Variants in AHNAK2 observed in about 807,000 individuals in gnomAD.
The protein encoded by AHNAK2 is AHNAK nucleoprotein 2, also known as protein AHNAK2.
Under a neutral mutation model 30.7 loss-of-function variants are expected in AHNAK2, and 18 were observed. The observed-to-expected ratio is 0.59, with a 90% confidence interval of 0.41 to 0.87. AHNAK2 has a LOEUF of 0.87. Ranked by LOEUF, AHNAK2 falls within the 40% of genes least tolerant of loss-of-function variation. The probability of loss-of-function intolerance (pLI) is 0.00; values close to 1 mark genes in which losing one functional copy is unlikely to be tolerated. For missense variants in AHNAK2, 8,604 were observed against 7,373.0 expected, an observed-to-expected ratio of 1.17 and a Z score of -6.11; for synonymous variants, 3,590 against 3,073.8, an observed-to-expected ratio of 1.17 and a Z score of -5.56.
At position 104,952,526 on chromosome 14, in the gene AHNAK2, C is replaced by T. The variant is rs747303400; in HGVS notation, c.2925G>A (p.Leu975=). ...GGTCCCCCTCCAGCCACGCACCATC[C>T]AGCTTGGCCTTCTGGGCCTGGACAT... ...EVDVQAQKAK[L]DGAWLEGDLS... The change falls in exon 7 of 7, where the codon CTG becomes CTA. Residue 975 remains leucine (L), a synonymous_variant. Transcript: ENST00000333244. 3.7e-6 allele frequency: 6 copies of T among 1,612,854 alleles called. No individual in the cohort carries two copies. The highest frequency in any genetic ancestry group is 4.5e-5 in the East Asian group (2 of 44,786).
In AHNAK2 at chr14:104,941,942, C is replaced by T; in HGVS notation, c.13509G>A (p.Gln4503=). The T allele has an allele frequency of 6.2e-7, 1 of 1,613,624 alleles. No individual in the cohort carries two copies. Among genetic ancestry groups the T allele is most frequent in the Non-Finnish European group, 8.5e-7 (1 of 1,179,692 alleles). ...GGAGGTCAGTGGTCTTGAGGTCCCC[C>T]TGCATGGAGGGAATGCTCATGTCGG... The part of the protein sequence containing the change: ...MEADMSIPSM[Q]GDLKTTDLRI... Residue 4503 remains glutamine (Q), a synonymous_variant, in exon 7 of 7, where the codon CAG becomes CAA. Coordinates refer to ENST00000333244, the MANE Select transcript of AHNAK2 (RefSeq NM_138420.4).
At chr14:104,978,114 C>T in intron 1 of AHNAK2, 69 bp downstream of exon 1, 1 of 1,180,008 alleles carries the variant, frequency 8.5e-7, no homozygotes. Context: ...CTGGACACGC[C>T]CCGGCGCGCG....
At position 104,945,377 on chromosome 14, in the gene AHNAK2, A is replaced by T. The variant is rs1898205586; in HGVS notation, c.10074T>A (p.Ile3358=). ...QGDLKTTDLS[I]QLPSVDLEVQ... ...CCTCCAGGTCCACAGAAGGGAGCTG[A>T]ATGCTGAGGTCAGTGGTCTTGAGGT... is the stretch of plus-strand genomic sequence containing the variant. The change falls in exon 7 of 7, where the codon ATT becomes ATA. Residue 3358 remains isoleucine, a synonymous_variant. Transcript: ENST00000333244. The T allele has an allele frequency of 6.2e-7, 1 of 1,612,268 alleles. No homozygotes were observed. The highest frequency in any genetic ancestry group is 1.1e-5 in the South Asian group (1 of 91,012).
rs1897888118 is a variant in AHNAK2, at chr14:104,938,784, G to A, written c.16667C>T (p.Thr5556Ile). The A allele has an allele frequency of 6.2e-7, 1 of 1,613,828 alleles. No individual in the cohort carries two copies. Among genetic ancestry groups the A allele is most frequent in the African/African-American group, 1.3e-5 (1 of 74,908 alleles). Residue 5556 changes from threonine (T) to isoleucine (I), a missense_variant, in exon 7 of 7, where the codon ACC becomes ATC. By Grantham distance (89) the Thr-to-Ile change is moderately conservative (BLOSUM62 -1). Transcript: ENST00000333244. The stretch of plus-strand genomic sequence containing the variant: ...TCCAGAAATGGAGTCTACTCCTGGG[G>A]TGGCTTGTATGGGAGCCTCTTCTGT... Reference protein sequence around the residue: ...EGTEEAPIQATPGVDSISGDL... With the variant: ...EGTEEAPIQAIPGVDSISGDL...
rs775472792 is a variant in AHNAK2 at position 104,948,704 on chromosome 14, C to G, written c.6747G>C (p.Val2249=). 14 of 1,607,936 alleles carry G rather than the reference C, an allele frequency of 8.7e-6. No homozygotes were observed. Among genetic ancestry groups the G allele is most frequent in the East Asian group, 6.8e-5 (3 of 44,436 alleles). ...LQMPSFKVPK[V]DLKGPEIDIK... ...TGTCTATTTCGGGGCCCTTGAGGTC[C>G]ACTTTGGGCACCTTGAAACTGGGCA... The change falls in exon 7 of 7, where the codon GTG becomes GTC. Residue 2249 remains valine (V), a synonymous_variant. Transcript: ENST00000333244.
At position 104,951,862 on chromosome 14, in the gene AHNAK2, C is replaced by G. The variant is rs201140610; in HGVS notation, c.3589G>C (p.Val1197Leu). The G allele has an allele frequency of 2.0e-4, 323 of 1,602,742 alleles. 10 individuals carry two copies. Among genetic ancestry groups the G allele is most frequent in the African/African-American group, 2.0e-3 (143 of 72,696 alleles). Residue 1197 changes from valine to leucine, a missense_variant, in exon 7 of 7, where the codon GTG becomes CTG. Coordinates refer to ENST00000333244, the MANE Select transcript of AHNAK2 (RefSeq NM_138420.4). ...DVSAPKVEAD[V>L]SLPSMQGDLK... ...TCCCCCTGCATGGAGGGGAGACTCA[C>G]GTCGGCCTCCACTTTGGGTGCAGAC...
chr14:104,974,637 G>A (rs916636627), intron 1 of AHNAK2, among the ~76,000 whole-genome samples: 69 of 152,352 alleles, frequency 4.5e-4, no homozygotes, highest in African/African-American at 1.3e-3. Flanking sequence ...TGAACAATGG[G>A]TGGATCCTTC....
In AHNAK2 at chr14:104,951,011, G is replaced by A. The variant is rs547388526; in HGVS notation, c.4440C>T (p.Ser1480=). 2.0e-5 allele frequency: 21 copies of A among 1,063,460 alleles called. 4 individuals carry two copies. In the African/African-American group the frequency reaches 2.6e-4, roughly 13 times the overall value. 65.9% of individuals were successfully genotyped at this position (1,063,460 alleles called of 1,614,324 possible). The change falls in exon 7 of 7, where the codon TCC becomes TCT. Residue 1480 remains serine (S), a synonymous_variant. Transcript: ENST00000333244. ...LDGGRLEEDM[S]LADKDLTTKD... Reference sequence around the variant, plus strand: ...TGGTAGTCAAGTCCTTGTCGGCCAGGGACATGTCCTCCTCCAGCCGTCCAC... The same window carrying A: ...TGGTAGTCAAGTCCTTGTCGGCCAGAGACATGTCCTCCTCCAGCCGTCCAC...
chr14:104,951,985 C>T lies in AHNAK2; in HGVS notation c.3466G>A (p.Val1156Met), dbSNP rs529173876. ...EGELSLADKD[V>M]TAKDSRFKMP... ...TTGAACCTGCTGTCTTTGGCAGTCA[C>T]ATCCTTGTCGGCCAGGGACAGTTCC... is the stretch of plus-strand genomic sequence containing the variant. Residue 1156 changes from valine (V) to methionine (M), a missense_variant, in exon 7 of 7, where the codon GTG becomes ATG. Val to Met is a conservative substitution (Grantham distance 21, BLOSUM62 1). Coordinates refer to ENST00000333244, the MANE Select transcript of AHNAK2 (RefSeq NM_138420.4). 5.8e-5 allele frequency: 93 copies of T among 1,612,460 alleles called. No homozygotes were observed. In the African/African-American group the frequency reaches 8.9e-4, roughly 15 times the overall value.
Position 104,950,349 on chromosome 14 carries a change from A to G in AHNAK2, c.5102T>C (p.Leu1701Pro). 6.3e-7 allele frequency: 1 copy of G among 1,585,088 alleles called. No homozygotes were observed. The highest frequency in any genetic ancestry group is 8.6e-7 in the Non-Finnish European group (1 of 1,162,328). ...CTGAATGCTGAGGTCAGTGGTCTTC[A>G]GGTCCCCCTGCATGGAGGGGAGGCT... ...DVSLPSMQGD[L>P]KTTDLSIQSP... is the part of the protein sequence containing the mutation. The change falls in exon 7 of 7, where the codon CTG becomes CCG. Residue 1701 changes from leucine (L) to proline (P), a missense_variant. Leu to Pro is a moderately conservative substitution (Grantham distance 98). Coordinates refer to ENST00000333244, the MANE Select transcript of AHNAK2 (RefSeq NM_138420.4).
Position 104,940,239 on chromosome 14 carries a change from C to T in AHNAK2, c.15212G>A (p.Gly5071Glu). ...TEKASSDGGR[G>E]GLGATASATG... ...GGCACTTGCTGTTGCACCAAGTCCT[C>T]CCCTACCACCGTCACTGCTGGCCTT... Residue 5071 changes from glycine (G) to glutamate (E), a missense_variant, in exon 7 of 7, where the codon GGA (glycine) becomes GAA (glutamate). By Grantham distance (98) the Gly-to-Glu change is moderately conservative. Coordinates refer to ENST00000333244, the MANE Select transcript of AHNAK2 (RefSeq NM_138420.4). This position sits in a 1 kb window ranked among gnomAD's most constrained non-coding sequence, Gnocchi z 4.4. 2.5e-6 allele frequency: 4 copies of T among 1,613,630 alleles called. No individual in the cohort carries two copies. The highest frequency in any genetic ancestry group is 3.4e-6 in the Non-Finnish European group (4 of 1,179,896).
intron 5 of AHNAK2, 171 bp from the exon 6 acceptor site, chr14:104,955,312 C>G: frequency 1.6e-6 from 2 of 1,279,616 alleles, no homozygotes; most frequent in Non-Finnish European, 2.1e-6. Flanking sequence ...TGGATGGGGT[C>G]CCCCATTTTA....
rs368736253 is a variant in AHNAK2, at chr14:104,941,907, G to A, written c.13544C>T (p.Ala4515Val). 1.9e-6 allele frequency: 3 copies of A among 1,613,466 alleles called. No homozygotes were observed. The highest frequency in any genetic ancestry group is 1.7e-6 in the Non-Finnish European group (2 of 1,179,668). The change falls in exon 7 of 7, where the codon GCC becomes GTC. Residue 4515 changes from alanine (A) to valine (V), a missense_variant. Transcript: ENST00000333244. ...DLKTTDLRIQ[A>V]PSADLEVQAG... ...CTGGACCTCCAGGTCGGCGGAAGGG[G>A]CCTGAATGCGGAGGTCAGTGGTCTT...
intron 1 of AHNAK2, among the ~76,000 whole-genome samples, chr14:104,968,196 T>C (rs1055375020): frequency 1.9e-4 from 29 of 152,202 alleles, no homozygotes; most frequent in African/African-American, 7.0e-4. Flanking sequence ...GGGTGAAAAC[T>C]TGAACCTTGT....
At chr14:104,973,022 A>T (rs778355480) in intron 1 of AHNAK2, among the ~76,000 whole-genome samples, 4 of 152,220 alleles carry the variant, frequency 2.6e-5, no homozygotes, top group Non-Finnish European at 5.9e-5. Context: ...CTTGACCACC[A>T]GCAGGCGGGT....
At chr14:104,960,553 C>T (rs1899107064) in intron 1 of AHNAK2, among the ~76,000 whole-genome samples, 1 of 152,134 alleles carries the variant, frequency 6.6e-6, no homozygotes, top group Non-Finnish European at 1.5e-5. Context: ...GAAGCAATCC[C>T]TCATGGATGC....
At position 104,947,182 on chromosome 14, in the gene AHNAK2, T is replaced by G; in HGVS notation, c.8269A>C (p.Asn2757His). Reference protein sequence around the residue: ...KGPQIDVKGPNVDLKGPKAEV... With the variant: ...KGPQIDVKGPHVDLKGPKAEV... ...GCCTTGGGGCCTTTCAGGTCCACGT[T>G]GGGGCCCTTAACATCTATCTGGGGG... is the stretch of plus-strand genomic sequence containing the variant. The change falls in exon 7 of 7, where the codon AAC becomes CAC. Residue 2757 changes from asparagine (N) to histidine (H), a missense_variant. Physicochemically the swap from Asn to His is moderately conservative, Grantham distance 68 (BLOSUM62 1). Coordinates refer to ENST00000333244, the MANE Select transcript of AHNAK2 (RefSeq NM_138420.4). 1 of 1,612,028 alleles carries G rather than the reference T, an allele frequency of 6.2e-7. No individual in the cohort carries two copies. The highest frequency in any genetic ancestry group is 8.5e-7 in the Non-Finnish European group (1 of 1,179,504).
rs573179356 is a variant in AHNAK2 at position 104,943,181 on chromosome 14, A to T, written c.12270T>A (p.Pro4090=). The change falls in exon 7 of 7, where the codon CCT becomes CCA. Residue 4090 remains proline (P), a synonymous_variant. Coordinates refer to ENST00000333244, the MANE Select transcript of AHNAK2 (RefSeq NM_138420.4). The stretch of plus-strand genomic sequence containing the variant: ...TGCTGGACAGAGACATCTTCACATC[A>T]GGGGCTGTCACTTCCGCCTTGGGGC... ...LKGPKAEVTA[P]DVKMSLSSME... is the part of the protein sequence containing the mutation. 6.8e-6 allele frequency: 11 copies of T among 1,610,690 alleles called. No individual in the cohort carries two copies. Among genetic ancestry groups the T allele is most frequent in the Non-Finnish European group, 9.3e-6 (11 of 1,178,768 alleles).
At position 104,945,533 on chromosome 14, in the gene AHNAK2, G is replaced by A. The variant is rs768001615; in HGVS notation, c.9918C>T (p.Ser3306=). 2 of 1,612,482 alleles carry A rather than the reference G, an allele frequency of 1.2e-6. No homozygotes were observed. The highest frequency in any genetic ancestry group is 4.5e-5 in the East Asian group (2 of 44,748). Residue 3306 remains serine (S), a synonymous_variant, in exon 7 of 7, where the codon AGC becomes AGT. Transcript: ENST00000333244. ...TCTTGAATTTGGGCATTTTGAACTT[G>A]CTGTCTTTGGCAGTCACATCCTTGT... ...LADKDVTAKD[S]KFKMPKFKMP...
Sources: allele counts gnomAD v4.1 joint callset (sites outside exome capture counted in the v4.1 genomes callset), GRCh38; gene constraint gnomAD v4.1.1; non-coding constraint Gnocchi (gnomAD v3.1); transcripts MANE v1.5; gene names NCBI Gene and HGNC (gene_info 2026-07-23, HGNC 2026-07-21).